Variants in TMEM11 observed in about 807,000 individuals in gnomAD.
The protein encoded by TMEM11 is transmembrane protein 11, also known as transmembrane protein 11, mitochondrial.
TMEM11 carries 1 observed loss-of-function variant against 17.0 expected under a neutral mutation model. The observed-to-expected ratio is 0.06, with a 90% confidence interval of 0.02 to 0.28. The LOEUF is 0.28. Ranked by LOEUF, TMEM11 falls within the 10% of genes least tolerant of loss-of-function variation. The pLI, the probability that TMEM11 is intolerant of heterozygous loss-of-function variation, is 1.00. For missense variants in TMEM11, 172 were observed against 252.9 expected, an observed-to-expected ratio of 0.68 and a Z score of 2.17; for synonymous variants, 122 against 118.1, an observed-to-expected ratio of 1.03 and a Z score of -0.21.
chr17:21,211,984 T>C (rs573440449), intron 1 of TMEM11, among the ~76,000 whole-genome samples: 53 of 152,266 alleles, frequency 3.5e-4, no homozygotes, highest in African/African-American at 1.2e-3. Flanking sequence ...CTGCCCCACC[T>C]GAACAGTCAT....
intron 1 of TMEM11, chr17:21,211,191 G>C (rs1974999337): frequency 1.6e-6 from 2 of 1,289,760 alleles, no homozygotes; most frequent in Non-Finnish European, 2.0e-6. Context: ...TTACAGCTCA[G>C]AGTCTGATGT....
chr17:21,212,944 T>C (rs373181492), intron 1 of TMEM11, among the ~76,000 whole-genome samples: 4 of 152,194 alleles, frequency 2.6e-5, no homozygotes, highest in African/African-American at 9.7e-5. Flanking sequence ...AAATGCAGAA[T>C]GGGCAACGCT....
At chr17:21,212,545 T>A (rs974784162) in intron 1 of TMEM11, among the ~76,000 whole-genome samples, 3 of 152,366 alleles carry the variant, frequency 2.0e-5, no homozygotes, top group South Asian at 2.1e-4. Context: ...AGTCAAGGAC[T>A]GGATCCAGCC....
intron 1 of TMEM11, among the ~76,000 whole-genome samples, chr17:21,204,197 G>C (rs903195752): frequency 2.0e-5 from 3 of 150,882 alleles, no homozygotes; most frequent in Non-Finnish European, 4.4e-5. Context: ...ACTTTGGGAG[G>C]CCAAGGCAGG....
chr17:21,212,598 T>C (rs1339975682), intron 1 of TMEM11, among the ~76,000 whole-genome samples: 2 of 152,232 alleles, frequency 1.3e-5, no homozygotes, highest in Non-Finnish European at 2.9e-5. Context: ...TAAACAGTTG[T>C]CTCAAGCCAA....
intron 1 of TMEM11, among the ~76,000 whole-genome samples, chr17:21,200,729 T>C (rs1164613052): frequency 6.6e-6 from 1 of 152,158 alleles, no homozygotes; most frequent in African/African-American, 2.4e-5. Flanking sequence ...GGAACTAGCT[T>C]CCTTTCATGG....
chr17:21,206,734 C>T (rs1974946657), intron 1 of TMEM11, among the ~76,000 whole-genome samples: 1 of 152,066 alleles, frequency 6.6e-6, no homozygotes, highest in Non-Finnish European at 1.5e-5. Context: ...CAGAGTTTCT[C>T]TATGTTGGCC....
intron 1 of TMEM11, among the ~76,000 whole-genome samples, chr17:21,212,897 CA>C (rs1006364953): frequency 6.6e-6 from 1 of 152,264 alleles, no homozygotes; most frequent in African/African-American, 2.4e-5. Flanking sequence ...GTTAGAAAAA[CA>C]AAAGTGTGTT....
At chr17:21,208,765 G>C (rs1056587124) in intron 1 of TMEM11, among the ~76,000 whole-genome samples, 4 of 152,194 alleles carry the variant, frequency 2.6e-5, no homozygotes, top group Non-Finnish European at 5.9e-5. Flanking sequence ...AGTTTCCCCA[G>C]CACTGGGCCT....
Position 21,198,243 on chromosome 17 carries a change from C to T in TMEM11, c.*81G>A. 1 of 1,499,306 alleles carries T rather than the reference C, an allele frequency of 6.7e-7. No individual in the cohort carries two copies. The highest frequency in any genetic ancestry group is 1.3e-5 in the South Asian group (1 of 76,298). 92.9% of individuals were successfully genotyped at this position (1,499,306 alleles called of 1,614,324 possible). On this transcript the variant is annotated 3_prime_UTR_variant, in exon 2 of 2. Coordinates refer to ENST00000317635, the MANE Select transcript of TMEM11 (RefSeq NM_003876.3). This position sits in a 1 kb window ranked among gnomAD's most constrained non-coding sequence, Gnocchi z 6.5. Reference sequence around the variant, plus strand: ...CCAAACACCTGCCCAGGCTCTGCTGCCTCACAGAGTGTGGCGATCTGAATA... The same window carrying T: ...CCAAACACCTGCCCAGGCTCTGCTGTCTCACAGAGTGTGGCGATCTGAATA...
chr17:21,201,276 G>A (rs186130750), intron 1 of TMEM11, among the ~76,000 whole-genome samples: 1 of 152,190 alleles, frequency 6.6e-6, no homozygotes, highest in African/African-American at 2.4e-5. Context: ...TTGGGCAAAC[G>A]GAACTCTTTA....
intron 1 of TMEM11, among the ~76,000 whole-genome samples, chr17:21,202,881 T>C (rs1289237411): frequency 1.3e-5 from 2 of 152,328 alleles, no homozygotes; most frequent in African/African-American, 4.8e-5. Context: ...GATGGTGGCG[T>C]GGGTCTGCCC....
intron 1 of TMEM11, chr17:21,213,358 C>A (rs1975023390): frequency 6.6e-6 from 1 of 152,230 alleles, no homozygotes; most frequent in African/African-American, 2.4e-5. Flanking sequence ...GAACATGAAA[C>A]ACGGAAACTA....
chr17:21,204,435 T>TAAAA (rs71160127), intron 1 of TMEM11, among the ~76,000 whole-genome samples: 1,671 of 93,786 alleles, frequency 0.018, 39 homozygotes, highest in African/African-American at 0.054. Flanking sequence ...TCCGTCTCAA[T>TAAAA]AAAAAAAAAA....
intron 1 of TMEM11, chr17:21,208,487 G>A (rs1267298201): frequency 6.6e-6 from 1 of 152,046 alleles, no homozygotes; most frequent in Non-Finnish European, 1.5e-5. Flanking sequence ...CAGAAGTCTG[G>A]ACGCGGGCAG....
chr17:21,210,757 C>T (rs961948594), intron 1 of TMEM11, among the ~76,000 whole-genome samples: 2 of 152,222 alleles, frequency 1.3e-5, no homozygotes, highest in Non-Finnish European at 2.9e-5. Flanking sequence ...CAGATGGCCG[C>T]GCAAGCCAGG....
Position 21,198,658 on chromosome 17 carries a change from T to C in TMEM11, c.245A>G (p.His82Arg). The C allele has an allele frequency of 6.2e-7, 1 of 1,614,124 alleles. No homozygotes were observed. Among genetic ancestry groups the C allele is most frequent in the Non-Finnish European group, 8.5e-7 (1 of 1,180,050 alleles). Residue 82 changes from histidine (H) to arginine (R), a missense_variant, in exon 2 of 2, where the codon CAC (histidine) becomes CGC (arginine). Coordinates refer to ENST00000317635, the MANE Select transcript of TMEM11 (RefSeq NM_003876.3). This position sits in a 1 kb window ranked among gnomAD's most constrained non-coding sequence, Gnocchi z 6.5. ...GGTGCCCGCCAGCACGGCCGTCTTG[T>C]GCAGGCAGTTGCCCACGGTGATCCA... ...ARWITVGNCL[H>R]KTAVLAGTAC...
At chr17:21,208,480 A>G (rs1974968643) in intron 1 of TMEM11, 1 of 152,122 alleles carries the variant, frequency 6.6e-6, no homozygotes, top group South Asian at 2.1e-4. Flanking sequence ...TGAAAGGCAG[A>G]AGTCTGGACG....
At chr17:21,199,620 G>A (rs972191667) in intron 1 of TMEM11, among the ~76,000 whole-genome samples, 1 of 152,170 alleles carries the variant, frequency 6.6e-6, no homozygotes, top group Non-Finnish European at 1.5e-5. Context: ...CCCTCCGCAC[G>A]TTTCCTAAGT....
Sources: allele counts gnomAD v4.1 joint callset (sites outside exome capture counted in the v4.1 genomes callset), GRCh38; gene constraint gnomAD v4.1.1; non-coding constraint Gnocchi (gnomAD v3.1); transcripts MANE v1.5; gene names NCBI Gene and HGNC (gene_info 2026-07-23, HGNC 2026-07-21).